Variants in SND1 observed in about 807,000 individuals in gnomAD.
The protein encoded by SND1 is staphylococcal nuclease domain-containing protein 1.
A neutral mutation model predicts 121.7 loss-of-function variants in SND1; 38 were observed. The ratio of observed to expected loss-of-function variants is 0.31; its 90% CI spans 0.24 to 0.41. The LOEUF (loss-of-function observed/expected upper bound fraction) is 0.41, where lower values mean the gene tolerates loss of function less well. SND1 is among the 10% of genes least tolerant of loss of function. The pLI is 1.00. For synonymous variants in SND1, 401 were observed against 447.4 expected (o/e 0.90, Z 1.31); for missense variants, 868 against 1,184.6 (o/e 0.73, Z 3.92).
intron 14 of SND1, among the ~76,000 whole-genome samples, chr7:127,923,980 T>G (rs1050858225): frequency 7.1e-6 from 1 of 139,894 alleles, no homozygotes; most frequent in South Asian, 2.6e-4. Context: ...CGTTCTGATC[T>G]CCACACTTTT....
At chr7:128,074,819 A>C in intron 17 of SND1, 129 bp downstream of exon 17, 9 of 900,878 alleles carry the variant, frequency 1.0e-5, no homozygotes, top group Non-Finnish European at 1.3e-5. Flanking sequence ...TGTTGGTCTC[A>C]GACCCCACAC....
chr7:127,913,754 G>A (rs572986249), intron 14 of SND1, among the ~76,000 whole-genome samples: 12 of 152,160 alleles, frequency 7.9e-5, no homozygotes, highest in African/African-American at 2.2e-4. Context: ...AAATATTTCT[G>A]CATAGCCCCA....
intron 14 of SND1, among the ~76,000 whole-genome samples, chr7:127,916,075 GAGTT>G (rs1378631324): frequency 2.6e-5 from 4 of 151,590 alleles, no homozygotes; most frequent in African/African-American, 9.7e-5. Flanking sequence ...GAGAGAGAGA[GAGTT>G]AGCTAGGTAT....
intron 10 of SND1, among the ~76,000 whole-genome samples, chr7:127,758,683 A>G (rs565996397): frequency 1.3e-5 from 2 of 152,364 alleles, no homozygotes; most frequent in African/African-American, 4.8e-5. Context: ...ATTTTAAACT[A>G]ATATGTAATC....
chr7:127,902,382 G>A (rs1034692178), intron 13 of SND1, among the ~76,000 whole-genome samples: 2 of 152,228 alleles, frequency 1.3e-5, no homozygotes, highest in Non-Finnish European at 2.9e-5. Context: ...TATGGTCAGG[G>A]TGGGAAGGAG....
chr7:127,887,973 G>A lies in SND1; in HGVS notation c.1415G>A (p.Arg472Lys), dbSNP rs754161192. Residue 472 changes from arginine to lysine, a missense_variant, in exon 13 of 24, where the codon AGA becomes AAA. This residue lies in a region of SND1 where 743 missense variants were observed against 1,071.3 expected (regional missense o/e 0.69). Coordinates refer to ENST00000354725, the MANE Select transcript of SND1 (RefSeq NM_014390.4). ...VIRYRQDDDQ[R>K]SSHYDELLAA... ...AGATACCGGCAGGATGATGACCAGA[G>A]ATCATCACACTACGATGAACTGCTT... 3.1e-6 allele frequency: 5 copies of A among 1,612,240 alleles called. No individual in the cohort carries two copies. The South Asian group carries it at 3.3e-5, about 11-fold the overall frequency.
chr7:128,047,993 G>A (rs562246066), intron 16 of SND1, among the ~76,000 whole-genome samples: 23 of 151,976 alleles, frequency 1.5e-4, no homozygotes, highest in African/African-American at 4.8e-4. Flanking sequence ...GACTACAGGC[G>A]CCCACCATCA....
intron 15 of SND1, among the ~76,000 whole-genome samples, chr7:127,953,277 C>A (rs1223774984): frequency 1.3e-5 from 2 of 150,180 alleles, no homozygotes; most frequent in Non-Finnish European, 3.0e-5. Flanking sequence ...CGCCTGCCAA[C>A]ATCAAGATCT....
intron 1 of SND1, among the ~76,000 whole-genome samples, chr7:127,668,504 C>T (rs1795458182): frequency 6.6e-6 from 1 of 152,178 alleles, no homozygotes; most frequent in African/African-American, 2.4e-5. Flanking sequence ...TCCTATTCAC[C>T]ATGGTAAATC....
At chr7:128,010,474 C>G (rs1206018082) in intron 16 of SND1, among the ~76,000 whole-genome samples, 1 of 152,208 alleles carries the variant, frequency 6.6e-6, no homozygotes, top group Non-Finnish European at 1.5e-5. Flanking sequence ...ATAGCCTCCC[C>G]CTTCTGATGT....
intron 14 of SND1, among the ~76,000 whole-genome samples, chr7:127,914,049 T>C (rs1250906455): frequency 2.6e-5 from 4 of 152,326 alleles, no homozygotes; most frequent in Admixed American, 2.6e-4. Flanking sequence ...GCCTCAGTTG[T>C]TCAGCAAATG....
intron 10 of SND1, among the ~76,000 whole-genome samples, chr7:127,777,326 T>C (rs1177927701): frequency 6.6e-6 from 1 of 152,222 alleles, no homozygotes; most frequent in Non-Finnish European, 1.5e-5. Context: ...TAATGTTATA[T>C]GCAAAATATT....
intron 13 of SND1, among the ~76,000 whole-genome samples, chr7:127,891,467 G>A (rs1037782157): frequency 2.0e-5 from 3 of 151,896 alleles, no homozygotes; most frequent in Non-Finnish European, 4.4e-5. Flanking sequence ...CCTCTCTCAC[G>A]TTACAGCGTG....
intron 12 of SND1, among the ~76,000 whole-genome samples, chr7:127,870,336 C>T (rs992088352): frequency 2.0e-5 from 3 of 152,064 alleles, no homozygotes; most frequent in African/African-American, 4.8e-5. Context: ...TTGTCTTTTT[C>T]GAGTATAAGC....
chr7:127,929,085 T>C, intron 14 of SND1, 103 bp from the exon 15 acceptor site: 1 of 1,125,722 alleles, frequency 8.9e-7, no homozygotes, highest in East Asian at 2.4e-5. Flanking sequence ...ATAAATAGGG[T>C]TATTTGCTTA....
At position 127,702,627 on chromosome 7, in the gene SND1, T is replaced by A. The variant is rs1029142465; in HGVS notation, c.681+101T>A. On this transcript the variant is annotated intron_variant, in intron 6 of 23. Transcript: ENST00000354725. ...CTTCGGATCTGCTGTTTCTTCCTAA[T>A]GTGGGCCATTAACATTGACTTTATA... 6 of 901,668 alleles carry A rather than the reference T, an allele frequency of 6.7e-6. No homozygotes were observed. The African/African-American group carries it at 9.8e-5, about 15-fold the overall frequency. 55.9% of individuals were successfully genotyped at this position (901,668 alleles called of 1,614,324 possible).
chr7:127,774,331 A>G (rs1235442143), intron 10 of SND1, among the ~76,000 whole-genome samples: 2 of 152,240 alleles, frequency 1.3e-5, no homozygotes, highest in African/African-American at 2.4e-5. Context: ...TTGAAAGTTT[A>G]TAAAGTAAAA....
At chr7:128,086,576 A>T in intron 20 of SND1, 3 of 339,230 alleles carry the variant, frequency 8.8e-6, no homozygotes, top group Non-Finnish European at 1.1e-5. Context: ...CAGCAGCTGG[A>T]GAACCCCCTG....
At chr7:128,019,625 C>A (rs1803302590) in intron 16 of SND1, among the ~76,000 whole-genome samples, 1 of 152,206 alleles carries the variant, frequency 6.6e-6, no homozygotes, top group Admixed American at 6.5e-5. Flanking sequence ...GTAACTCCAC[C>A]CAATGCACAT....
Sources: gnomAD v4.1 joint callset for allele counts (sites outside exome capture counted in the v4.1 genomes callset) on GRCh38, gnomAD v4.1.1 for gene constraint, gnomAD v4.1.1 regional missense constraint, MANE v1.5 for transcripts, NCBI Gene and HGNC (gene_info 2026-07-23, HGNC 2026-07-21) for gene names.